STAG1: variants seen among roughly 807,000 people sequenced by gnomAD.
The protein encoded by STAG1 is STAG1 cohesin complex component, also known as cohesin subunit SA-1.
In STAG1, 26 loss-of-function variants were observed where a neutral mutation model predicts 170.9. The observed-to-expected ratio is 0.15, with a 90% CI of 0.11 to 0.21. The LOEUF is 0.21. STAG1 is among the 10% of genes least tolerant of loss of function. The pLI, the probability that STAG1 is intolerant of heterozygous loss-of-function variation, is 1.00. For synonymous variants in STAG1, 514 were observed against 497.7 expected (o/e 1.03, Z -0.44); for missense variants, 964 against 1,509.5 (o/e 0.64, Z 5.99).
At chr3:136,597,041 A>G (rs1296733370) in intron 4 of STAG1, among the ~76,000 whole-genome samples, 1 of 152,188 alleles carries the variant, frequency 6.6e-6, no homozygotes, top group East Asian at 1.9e-4. Context: ...TGTCACTGGC[A>G]CCCCAATCTG....
At chr3:136,495,915 G>GCAGAGAC (rs748996352) in intron 9 of STAG1, among the ~76,000 whole-genome samples, 4 of 147,130 alleles carry the variant, frequency 2.7e-5, no homozygotes, top group Non-Finnish European at 5.9e-5. Context: ...CTTGCAGAGA[G>GCAGAGAC]CAGAGACCGT....
At chr3:136,676,619 A>T (rs1942135559) in intron 1 of STAG1, among the ~76,000 whole-genome samples, 1 of 151,924 alleles carries the variant, frequency 6.6e-6, no homozygotes, top group Non-Finnish European at 1.5e-5. Context: ...CTAATTTTTA[A>T]ATTTTGTATT....
chr3:136,679,609 G>C (rs534579959), intron 1 of STAG1, among the ~76,000 whole-genome samples: 2 of 151,732 alleles, frequency 1.3e-5, no homozygotes, highest in Non-Finnish European at 2.9e-5. Flanking sequence ...GGCGCCTGTA[G>C]TCCCAGCTAC....
chr3:136,628,933 T>C (rs1370017356), intron 2 of STAG1, among the ~76,000 whole-genome samples: 1 of 151,962 alleles, frequency 6.6e-6, no homozygotes, highest in Non-Finnish European at 1.5e-5. Context: ...ATCACTAGAG[T>C]GGTCTTTATA....
intron 4 of STAG1, among the ~76,000 whole-genome samples, chr3:136,570,733 T>G (rs769936089): frequency 6.6e-6 from 1 of 152,252 alleles, no homozygotes; most frequent in Middle Eastern, 3.2e-3. Flanking sequence ...TATTTTAATT[T>G]AGCCCATGCT....
intron 1 of STAG1, among the ~76,000 whole-genome samples, chr3:136,664,644 G>C (rs1338612013): frequency 2.6e-5 from 4 of 152,096 alleles, no homozygotes; most frequent in Non-Finnish European, 5.9e-5. Flanking sequence ...TGTATTGTAT[G>C]TATATCTGTG....
At chr3:136,436,127 T>A (rs1272195961) in intron 15 of STAG1, among the ~76,000 whole-genome samples, 1 of 151,898 alleles carries the variant, frequency 6.6e-6, no homozygotes, top group Non-Finnish European at 1.5e-5. Context: ...GGCTAATTTT[T>A]GTATTTTTAG....
At chr3:136,728,366 T>C (rs1034720974) in intron 1 of STAG1, among the ~76,000 whole-genome samples, 2 of 152,198 alleles carry the variant, frequency 1.3e-5, no homozygotes, top group Admixed American at 1.3e-4. Flanking sequence ...TAAATGCATT[T>C]GTGGGTATGG....
chr3:136,392,218 CT>C (rs2087028676), intron 22 of STAG1, among the ~76,000 whole-genome samples: 1 of 151,998 alleles, frequency 6.6e-6, no homozygotes, highest in Non-Finnish European at 1.5e-5. Context: ...ACAGAACAAG[CT>C]TTTTGCACCA....
chr3:136,401,786 T>C (rs1171364721), intron 21 of STAG1, among the ~76,000 whole-genome samples: 4 of 152,214 alleles, frequency 2.6e-5, no homozygotes, highest in Non-Finnish European at 4.4e-5. Flanking sequence ...TTATTTTACT[T>C]TAATTTTTTG....
At chr3:136,361,038 GA>G (rs1225468582) in intron 26 of STAG1, among the ~76,000 whole-genome samples, 1 of 152,126 alleles carries the variant, frequency 6.6e-6, no homozygotes, top group Non-Finnish European at 1.5e-5. Context: ...CATTTAAAGT[GA>G]ATACAAAGAA....
intron 3 of STAG1, among the ~76,000 whole-genome samples, chr3:136,619,199 A>G (rs961416599): frequency 1.2e-4 from 18 of 151,648 alleles, no homozygotes; most frequent in African/African-American, 4.4e-4. Context: ...AAAATTTTTT[A>G]AACACCAAAG....
intron 1 of STAG1, among the ~76,000 whole-genome samples, chr3:136,654,105 T>A (rs1157166140): frequency 1.3e-5 from 2 of 152,162 alleles, no homozygotes; most frequent in Non-Finnish European, 2.9e-5. Flanking sequence ...TTTTACTACT[T>A]CTATTTAAAA....
At chr3:136,488,803 T>C (rs1391586897) in intron 9 of STAG1, among the ~76,000 whole-genome samples, 1 of 152,220 alleles carries the variant, frequency 6.6e-6, no homozygotes, top group Non-Finnish European at 1.5e-5. Flanking sequence ...TATCCCTGAT[T>C]TGATTACAAC....
At chr3:136,722,462 T>C (rs1043299197) in intron 1 of STAG1, among the ~76,000 whole-genome samples, 3 of 152,158 alleles carry the variant, frequency 2.0e-5, no homozygotes, top group African/African-American at 4.8e-5. Context: ...TGAGGTCATC[T>C]ACTGAAAAAG....
intron 13 of STAG1, among the ~76,000 whole-genome samples, chr3:136,455,525 A>C (rs2089084829): frequency 6.6e-6 from 1 of 152,210 alleles, no homozygotes; most frequent in Non-Finnish European, 1.5e-5. Context: ...AACCACTGGG[A>C]GTGCCTGGAG....
chr3:136,427,091 T>G (rs1292626569), intron 16 of STAG1, among the ~76,000 whole-genome samples: 1 of 148,732 alleles, frequency 6.7e-6, no homozygotes, highest in Non-Finnish European at 1.5e-5. Flanking sequence ...TAGTGGGATG[T>G]GGTGGCAAGC....
intron 3 of STAG1, among the ~76,000 whole-genome samples, chr3:136,620,534 A>T (rs2107827944): frequency 6.6e-6 from 1 of 152,334 alleles, no homozygotes; most frequent in Non-Finnish European, 1.5e-5. Context: ...TTTTAACTTC[A>T]TATTCTACTC....
At chr3:136,351,742 A>C (rs1936440128) in intron 28 of STAG1, among the ~76,000 whole-genome samples, 1 of 152,216 alleles carries the variant, frequency 6.6e-6, no homozygotes, top group South Asian at 2.1e-4. Flanking sequence ...TTTCTCAGGA[A>C]TAATCAGAGA....
Sources: gnomAD v4.1 joint callset for allele counts (sites outside exome capture counted in the v4.1 genomes callset) on GRCh38, gnomAD v4.1.1 for gene constraint, MANE v1.5 for transcripts, NCBI Gene and HGNC (gene_info 2026-07-23, HGNC 2026-07-21) for gene names.